AGBL1: variants seen among roughly 807,000 people sequenced by gnomAD.
AGBL1 encodes the protein AGBL carboxypeptidase 1.
In AGBL1, 130 loss-of-function variants were observed where a neutral mutation model predicts 118.9. The observed-to-expected ratio is 1.09, with a 90% confidence interval of 0.95 to 1.26. AGBL1 has a LOEUF of 1.26. AGBL1 is among the 50% of genes most tolerant of loss of function. AGBL1 has a pLI of 0.00. For missense variants in AGBL1, 1,584 were observed against 1,298.1 expected (o/e 1.22, Z -3.38); for synonymous variants, 555 against 478.9 (o/e 1.16, Z -2.08).
intron 1 of AGBL1, among the ~76,000 whole-genome samples, chr15:86,090,975 T>C (rs752474963): frequency 6.6e-6 from 1 of 152,162 alleles, no homozygotes; most frequent in Non-Finnish European, 1.5e-5. Context: ...AATGATAACA[T>C]TTGAAAGTTT....
intron 24 of AGBL1, among the ~76,000 whole-genome samples, chr15:87,026,064 C>T (rs752759076): frequency 4.6e-5 from 7 of 151,962 alleles, no homozygotes; most frequent in Non-Finnish European, 1.0e-4. Flanking sequence ...TAGAAGACAA[C>T]ATAGGAAAAA....
intron 22 of AGBL1, among the ~76,000 whole-genome samples, chr15:86,851,612 C>T (rs1254196163): frequency 6.6e-6 from 1 of 152,188 alleles, no homozygotes; most frequent in African/African-American, 2.4e-5. Flanking sequence ...CTATCTGACT[C>T]ATGAAACCCG....
chr15:86,354,243 C>T (rs1304371343), intron 17 of AGBL1, among the ~76,000 whole-genome samples: 1 of 152,156 alleles, frequency 6.6e-6, no homozygotes, highest in East Asian at 1.9e-4. Context: ...CATAGGTAAG[C>T]AGAAATTCAT....
intron 21 of AGBL1, among the ~76,000 whole-genome samples, chr15:86,572,867 C>T (rs939412735): frequency 6.6e-6 from 1 of 152,252 alleles, no homozygotes; most frequent in African/African-American, 2.4e-5. Context: ...TGTATTATTT[C>T]TGTCTCACTG....
Position 86,913,679 on chromosome 15 carries a change from C to T in AGBL1, c.*6385C>T, listed in dbSNP as rs142598775. 0.015 allele frequency: 2,283 copies of T among 152,264 alleles called. 37 individuals are homozygous for T. Among genetic ancestry groups the T allele is most frequent in the Non-Finnish European group, 0.019 (1,311 of 68,104 alleles). The allele number at this position is 152,264 out of a possible 1,614,324, so 9.4% of individuals were successfully genotyped here. Reference sequence around the variant, plus strand: ...AGGAGTTTGAGACCAGCCTGGGCAACATAGTTAGACCCTGAATCTACAAAA... The same window carrying T: ...AGGAGTTTGAGACCAGCCTGGGCAATATAGTTAGACCCTGAATCTACAAAA... On this transcript the variant is annotated 3_prime_UTR_variant, in exon 23 of 23. Transcript: ENST00000614907.
At chr15:86,142,099 GGCGGATGTGGAGCCT>G (rs1454117651) in intron 2 of AGBL1, 32 bp downstream of exon 2, 8 of 1,547,010 alleles carry the variant, frequency 5.2e-6, no homozygotes, top group Non-Finnish European at 7.0e-6. Context: ...GCTTTCATAT[GGCGGATGTGGAGCCT>G]GCTGGCTGTG....
chr15:86,224,836 G>A, intron 5 of AGBL1, 78 bp from the exon 6 acceptor site: 2 of 1,415,310 alleles, frequency 1.4e-6, no homozygotes, highest in South Asian at 1.2e-5. Flanking sequence ...GTGGCAATGG[G>A]CATGCTGGCT....
chr15:86,281,141 T>A (rs1265647604), intron 16 of AGBL1, among the ~76,000 whole-genome samples: 1 of 152,200 alleles, frequency 6.6e-6, no homozygotes, highest in Non-Finnish European at 1.5e-5. Context: ...CCCAGCACTT[T>A]GGGAGGCCAA....
In AGBL1 at chr15:86,247,888, C is replaced by T. The variant is rs2078747761; in HGVS notation, c.735+9C>T. 2 of 1,613,440 alleles carry T rather than the reference C, an allele frequency of 1.2e-6. No individual in the cohort carries two copies. The highest frequency in any genetic ancestry group is 1.1e-5 in the South Asian group (1 of 91,086). On this transcript the variant is annotated intron_variant, in intron 7 of 22. Coordinates refer to ENST00000614907, the MANE Select transcript of AGBL1 (RefSeq NM_001386094.1). ...TCTTCAGCACCACACAGGCAGGCAG[C>T]ATGGGGATTCACTCTGCAGCTGGAG...
intron 22 of AGBL1, among the ~76,000 whole-genome samples, chr15:86,841,706 G>T (rs547839256): frequency 5.9e-5 from 9 of 152,198 alleles, no homozygotes; most frequent in Admixed American, 5.9e-4. Context: ...AATTATCTGG[G>T]TGTGGTGGTG....
chr15:86,913,346 A>T lies in AGBL1; in HGVS notation c.*6052A>T, dbSNP rs1236306922. ...GATTTTAGGCTCTACTGTCACACAG[A>T]TGTCAAGATGAAGGCCTTTTGGGCA... On this transcript the variant is annotated 3_prime_UTR_variant, in exon 23 of 23. Coordinates refer to ENST00000614907, the MANE Select transcript of AGBL1 (RefSeq NM_001386094.1). The T allele has an allele frequency of 6.6e-6, 1 of 152,206 alleles. No homozygotes were observed. Among genetic ancestry groups the T allele is most frequent in the African/African-American group, 2.4e-5 (1 of 41,430 alleles). The allele number at this position is 152,206 out of a possible 1,614,324, so 9.4% of individuals were successfully genotyped here. A position where few individuals can be genotyped will look rare whatever the true frequency, so the allele number is the denominator to read the frequency against.
At chr15:86,133,840 T>A (rs1021621250) in intron 1 of AGBL1, among the ~76,000 whole-genome samples, 2 of 152,226 alleles carry the variant, frequency 1.3e-5, no homozygotes, top group African/African-American at 4.8e-5. Flanking sequence ...GCCATTTATT[T>A]TTTTATTTTG....
At chr15:86,901,915 G>A (rs899181345) in intron 22 of AGBL1, among the ~76,000 whole-genome samples, 2 of 152,010 alleles carry the variant, frequency 1.3e-5, no homozygotes, top group South Asian at 2.1e-4. Context: ...TGTTCAAACA[G>A]CAAAACTATT....
chr15:86,545,412 C>T (rs989823082), intron 19 of AGBL1, among the ~76,000 whole-genome samples: 13 of 151,292 alleles, frequency 8.6e-5, no homozygotes, highest in Non-Finnish European at 1.0e-4. Flanking sequence ...TTTTTTTTAA[C>T]CTTCAAGTTC....
chr15:86,243,611 G>A (rs2141981984), intron 6 of AGBL1, among the ~76,000 whole-genome samples: 1 of 152,268 alleles, frequency 6.6e-6, no homozygotes, highest in Non-Finnish European at 1.5e-5. Flanking sequence ...CAGGAAGCAG[G>A]GTCAATGCTT....
chr15:86,507,831 T>C (rs907874035), intron 18 of AGBL1, among the ~76,000 whole-genome samples: 2 of 152,078 alleles, frequency 1.3e-5, no homozygotes, highest in African/African-American at 4.8e-5. Flanking sequence ...ATACTAAATA[T>C]TTTGAAGATT....
intron 19 of AGBL1, among the ~76,000 whole-genome samples, chr15:86,543,716 G>A (rs931172040): frequency 2.6e-5 from 4 of 152,182 alleles, no homozygotes; most frequent in African/African-American, 4.8e-5. Context: ...CAGAACCAGG[G>A]TCTAATCAAC....
At chr15:86,312,743 G>A (rs1004505005) in intron 17 of AGBL1, among the ~76,000 whole-genome samples, 10 of 152,154 alleles carry the variant, frequency 6.6e-5, no homozygotes, top group South Asian at 4.1e-4. Flanking sequence ...TGCACATCCC[G>A]TTAGGAAGTG....
At chr15:86,530,391 T>C (rs2083332809) in intron 19 of AGBL1, among the ~76,000 whole-genome samples, 1 of 137,612 alleles carries the variant, frequency 7.3e-6, no homozygotes, top group Non-Finnish European at 1.5e-5. Flanking sequence ...AAGGGATCAA[T>C]TCAACAAGAG....
Sources: gnomAD v4.1 joint callset for allele counts (sites outside exome capture counted in the v4.1 genomes callset) on GRCh38, gnomAD v4.1.1 for gene constraint, MANE v1.5 for transcripts, NCBI Gene and HGNC (gene_info 2026-07-23, HGNC 2026-07-21) for gene names.